Variants in CRISPLD2 observed in about 807,000 individuals in gnomAD.
The protein encoded by CRISPLD2 is cysteine-rich secretory protein LCCL domain-containing 2.
In CRISPLD2, 47 loss-of-function variants were observed where a neutral mutation model predicts 71.1. That is an observed-to-expected ratio of 0.66 (90% CI 0.52 to 0.84). CRISPLD2 has a LOEUF of 0.84. Among genes scored for constraint, CRISPLD2 ranks in the 40% least tolerant of loss-of-function variants. CRISPLD2 has a pLI of 0.00. For missense variants in CRISPLD2, 830 were observed against 651.1 expected, an observed-to-expected ratio of 1.27 and a Z score of -2.99; for synonymous variants, 317 against 250.1, an observed-to-expected ratio of 1.27 and a Z score of -2.52.
intron 14 of CRISPLD2, among the ~76,000 whole-genome samples, chr16:84,901,024 C>T (rs976179867): frequency 4.4e-4 from 62 of 139,478 alleles, no homozygotes; most frequent in African/African-American, 1.8e-3. Context: ...CACACACACA[C>T]ACACACACAC....
intron 2 of CRISPLD2, among the ~76,000 whole-genome samples, chr16:84,840,459 T>G (rs1395039947): frequency 6.6e-6 from 1 of 152,200 alleles, no homozygotes; most frequent in East Asian, 1.9e-4. Flanking sequence ...ACCCTGTCTG[T>G]CCCCAAAACC....
At chr16:84,827,612 G>C (rs1460499312) in intron 1 of CRISPLD2, among the ~76,000 whole-genome samples, 1 of 148,064 alleles carries the variant, frequency 6.8e-6, no homozygotes, top group Non-Finnish European at 1.5e-5. Flanking sequence ...TGTTGCTCAG[G>C]CTGGACTGCA....
chr16:84,841,351 A>G (rs1353906645), intron 2 of CRISPLD2, among the ~76,000 whole-genome samples: 2 of 152,060 alleles, frequency 1.3e-5, no homozygotes, highest in African/African-American at 4.8e-5. Flanking sequence ...TAACGGGAGA[A>G]AAGCTTCGGG....
chr16:84,882,986 C>T (rs1218617439), intron 13 of CRISPLD2, among the ~76,000 whole-genome samples: 1 of 152,198 alleles, frequency 6.6e-6, no homozygotes, highest in South Asian at 2.1e-4. Flanking sequence ...TATGTGCAGT[C>T]TTCATTAACA....
At chr16:84,822,993 GA>G (rs1916265436) in intron 1 of CRISPLD2, among the ~76,000 whole-genome samples, 1 of 152,094 alleles carries the variant, frequency 6.6e-6, no homozygotes. Flanking sequence ...ATCTCGTAAG[GA>G]AACCCCAGGC....
chr16:84,885,289 C>T (rs557051825), intron 13 of CRISPLD2, among the ~76,000 whole-genome samples: 4 of 152,364 alleles, frequency 2.6e-5, no homozygotes, highest in African/African-American at 9.6e-5. Flanking sequence ...TAGAGGAATT[C>T]TGAAATGGTC....
At chr16:84,857,259 GT>G (rs1308471081) in intron 6 of CRISPLD2, among the ~76,000 whole-genome samples, 3 of 152,216 alleles carry the variant, frequency 2.0e-5, no homozygotes, top group African/African-American at 7.2e-5. Flanking sequence ...GATGACAGAG[GT>G]GACTGAGGAA....
chr16:84,831,998 G>A (rs952410089), intron 1 of CRISPLD2, among the ~76,000 whole-genome samples: 8 of 152,242 alleles, frequency 5.3e-5, no homozygotes, highest in Non-Finnish European at 7.3e-5. Context: ...GCCTCCCAAC[G>A]TTCTGGGATT....
At chr16:84,841,592 C>A (rs1275393921) in intron 2 of CRISPLD2, among the ~76,000 whole-genome samples, 1 of 151,790 alleles carries the variant, frequency 6.6e-6, no homozygotes, top group East Asian at 1.9e-4. Context: ...GCATTTATGA[C>A]TGTGAAGCAC....
intron 13 of CRISPLD2, among the ~76,000 whole-genome samples, chr16:84,881,829 C>T (rs911610089): frequency 6.6e-6 from 1 of 151,988 alleles, no homozygotes; most frequent in East Asian, 1.9e-4. Context: ...TTACAGCTCT[C>T]TCCCGCTTCC....
intron 6 of CRISPLD2, among the ~76,000 whole-genome samples, chr16:84,862,458 A>T (rs1371901677): frequency 1.3e-5 from 2 of 152,096 alleles, no homozygotes; most frequent in African/African-American, 4.8e-5. Flanking sequence ...CCTCCCAAAG[A>T]GCTGGGATTA....
At position 84,872,509 on chromosome 16, in the gene CRISPLD2, G is replaced by C. The variant is rs753604192; in HGVS notation, c.981+1G>C. On this transcript the variant is annotated splice_donor_variant, in intron 9 of 14. Coordinates refer to ENST00000262424, the MANE Select transcript of CRISPLD2 (RefSeq NM_031476.4). LOFTEE classifies it high-confidence loss of function. ...CTTTGGAACTCTGTTCTATGAAAGC[G>C]TGAGTGTGGCCAGTCCTCCTCTCAA... 1.2e-6 allele frequency: 2 copies of C among 1,613,018 alleles called. No homozygotes were observed. Among genetic ancestry groups the C allele is most frequent in the Non-Finnish European group, 1.7e-6 (2 of 1,179,350 alleles).
At chr16:84,824,996 C>A (rs532190745) in intron 1 of CRISPLD2, among the ~76,000 whole-genome samples, 2 of 151,918 alleles carry the variant, frequency 1.3e-5, no homozygotes, top group African/African-American at 4.8e-5. Flanking sequence ...CCCAGCTACT[C>A]GGGAGGCTGA....
chr16:84,904,889 T>A (rs2071787855), intron 14 of CRISPLD2, among the ~76,000 whole-genome samples: 1 of 152,218 alleles, frequency 6.6e-6, no homozygotes, highest in Non-Finnish European at 1.5e-5. Context: ...TTCATGACCT[T>A]GGATGGTTTG....
intron 6 of CRISPLD2, among the ~76,000 whole-genome samples, chr16:84,858,952 C>G (rs1917312805): frequency 6.6e-6 from 1 of 152,246 alleles, no homozygotes; most frequent in Non-Finnish European, 1.5e-5. Context: ...CAAGATCCAT[C>G]TATCTTCTGC....
chr16:84,866,524 C>A (rs113836193), intron 6 of CRISPLD2, among the ~76,000 whole-genome samples: 191 of 152,306 alleles, frequency 1.3e-3, no homozygotes, highest in African/African-American at 4.3e-3. Flanking sequence ...GCATGAGCCA[C>A]CGCACCCGGC....
chr16:84,904,532 C>G (rs1939468769), intron 14 of CRISPLD2, among the ~76,000 whole-genome samples: 1 of 150,596 alleles, frequency 6.6e-6, no homozygotes, highest in African/African-American at 2.5e-5. Context: ...TGCAGTGAGC[C>G]AAGATTGCAC....
At chr16:84,897,025 G>A (rs1161976594) in intron 14 of CRISPLD2, among the ~76,000 whole-genome samples, 1 of 152,160 alleles carries the variant, frequency 6.6e-6, no homozygotes, top group Non-Finnish European at 1.5e-5. Context: ...CACTTTCAAG[G>A]CAATTGAGGG....
chr16:84,840,699 G>A (rs188691592), intron 2 of CRISPLD2, among the ~76,000 whole-genome samples: 1 of 152,064 alleles, frequency 6.6e-6, no homozygotes, highest in East Asian at 1.9e-4. Flanking sequence ...TTAGAGACGG[G>A]GTTTCACCAT....
Sources: gnomAD v4.1 joint callset for allele counts (sites outside exome capture counted in the v4.1 genomes callset) on GRCh38, gnomAD v4.1.1 for gene constraint, MANE v1.5 for transcripts, NCBI Gene and HGNC (gene_info 2026-07-23, HGNC 2026-07-21) for gene names.